Variants in STRN3 observed in about 807,000 individuals in gnomAD.
STRN3 encodes striatin-3.
In STRN3, 29 loss-of-function variants were observed where a neutral mutation model predicts 95.6. The observed-to-expected ratio is 0.30, with a 90% CI of 0.23 to 0.41. The LOEUF is 0.41. Ranked by LOEUF, STRN3 falls within the 10% of genes least tolerant of loss-of-function variation. The pLI, the probability that STRN3 is intolerant of heterozygous loss-of-function variation, is 1.00. For synonymous variants in STRN3, 331 were observed against 357.6 expected (o/e 0.93, Z 0.84); for missense variants, 890 against 972.1 (o/e 0.92, Z 1.12).
At chr14:31,018,579 T>G (rs370070171) in intron 1 of STRN3, 56 of 489,108 alleles carry the variant, frequency 1.1e-4, no homozygotes, top group African/African-American at 1.1e-3. Context: ...TTGAACAAGC[T>G]GTGGGTGTTG....
intron 5 of STRN3, among the ~76,000 whole-genome samples, chr14:30,945,029 C>T (rs1879291549): frequency 6.6e-6 from 1 of 152,112 alleles, no homozygotes; most frequent in Non-Finnish European, 1.5e-5. Context: ...CCTCAATGAA[C>T]TCATCTGGTT....
chr14:30,971,581 G>C (rs141170376), intron 1 of STRN3, among the ~76,000 whole-genome samples: 18 of 152,266 alleles, frequency 1.2e-4, no homozygotes, highest in African/African-American at 4.1e-4. Flanking sequence ...TAGGAAAATA[G>C]GATAGCCTTA....
In STRN3 at chr14:30,895,569, A is replaced by C. The variant is rs1390057211; in HGVS notation, c.2236T>G (p.Ser746Ala). The change falls in exon 18 of 18, where the codon TCC (serine) becomes GCC (alanine). Residue 746 changes from serine to alanine, a missense_variant. Around this residue, in one of 3 missense-constraint regions of STRN3, gnomAD observed 357 missense variants for 422.8 expected, o/e 0.84. Coordinates refer to ENST00000357479, the MANE Select transcript of STRN3 (RefSeq NM_001083893.2). ...IYLMSGSHDC[S>A]IRLWNLDSKT... is the part of the protein sequence containing the mutation. ...CTGTCTAAATTCCATAATCTGATGG[A>C]ACAGTCATGGCCTGTAAAAGAACAA... 1 of 1,613,608 alleles carries C rather than the reference A, an allele frequency of 6.2e-7. No homozygotes were observed.
At chr14:30,896,581 GA>G (rs1447993018) in intron 16 of STRN3, among the ~76,000 whole-genome samples, 2 of 145,954 alleles carry the variant, frequency 1.4e-5, no homozygotes, top group Non-Finnish European at 3.0e-5. Flanking sequence ...AAGGGGAGGG[GA>G]GGGGAGGGGA....
At chr14:30,953,250 A>T (rs1402512882) in intron 3 of STRN3, among the ~76,000 whole-genome samples, 1 of 152,210 alleles carries the variant, frequency 6.6e-6, no homozygotes, top group Non-Finnish European at 1.5e-5. Flanking sequence ...TACCTAGATG[A>T]AGAAACAAAA....
chr14:31,019,886 C>CTTTTTTTTTTTT (rs67956918), intron 1 of STRN3, among the ~76,000 whole-genome samples: 2 of 143,048 alleles, frequency 1.4e-5, no homozygotes, highest in Non-Finnish European at 3.0e-5. Flanking sequence ...CACTCATTTT[C>CTTTTTTTTTTTT]TTTTTTTTTT....
At chr14:30,964,752 T>G (rs1448611232) in intron 1 of STRN3, 2 of 152,156 alleles carry the variant, frequency 1.3e-5, no homozygotes, top group African/African-American at 4.8e-5. Flanking sequence ...AAACCCCATC[T>G]CTACTAAAAA....
At chr14:30,916,945 T>C (rs1316078547) in intron 9 of STRN3, among the ~76,000 whole-genome samples, 3 of 152,220 alleles carry the variant, frequency 2.0e-5, no homozygotes, top group African/African-American at 2.4e-5. Context: ...ATTCCATTTA[T>C]ACCAGTGGCA....
At chr14:30,909,012 C>G (rs1275122876) in intron 13 of STRN3, among the ~76,000 whole-genome samples, 2 of 152,184 alleles carry the variant, frequency 1.3e-5, no homozygotes, top group Non-Finnish European at 2.9e-5. Flanking sequence ...GTTCTGTCCT[C>G]GTTTCAATAA....
At chr14:30,996,195 A>G (rs1378286417) in intron 1 of STRN3, among the ~76,000 whole-genome samples, 1 of 152,246 alleles carries the variant, frequency 6.6e-6, no homozygotes, top group Non-Finnish European at 1.5e-5. Context: ...CACTGGTGAC[A>G]GGAATAATGT....
At chr14:30,930,463 C>T (rs1426578784) in intron 7 of STRN3, among the ~76,000 whole-genome samples, 3 of 152,058 alleles carry the variant, frequency 2.0e-5, no homozygotes, top group South Asian at 4.1e-4. Context: ...GAATGGCACA[C>T]GGAAATGCAA....
At chr14:30,909,262 T>C (rs1896548228) in intron 13 of STRN3, among the ~76,000 whole-genome samples, 1 of 152,172 alleles carries the variant, frequency 6.6e-6, no homozygotes, top group Non-Finnish European at 1.5e-5. Context: ...CCCAATACTT[T>C]GGGAGGCTGA....
At chr14:30,901,825 A>C (rs1896323609) in intron 16 of STRN3, among the ~76,000 whole-genome samples, 1 of 152,184 alleles carries the variant, frequency 6.6e-6, no homozygotes, top group African/African-American at 2.4e-5. Flanking sequence ...GATGATAATA[A>C]ACACTATGCA....
Position 30,895,294 on chromosome 14 carries a change from G to A in STRN3, c.*117C>T, listed in dbSNP as rs71417929. The stretch of plus-strand genomic sequence containing the variant: ...TTTCCACCAATTTGTGCCTGCCCCA[G>A]ATAGCCTTCACCAGGCAGATCACAT... On this transcript the variant is annotated 3_prime_UTR_variant, in exon 18 of 18. Transcript: ENST00000357479. 3 of 1,040,906 alleles carry A rather than the reference G, an allele frequency of 2.9e-6. No homozygotes were observed. The highest frequency in any genetic ancestry group is 6.1e-5 in the Admixed American group (2 of 33,026). 64.5% of individuals were successfully genotyped at this position (1,040,906 alleles called of 1,614,324 possible).
intron 1 of STRN3, among the ~76,000 whole-genome samples, chr14:31,016,043 T>G (rs1027259543): frequency 6.6e-6 from 1 of 152,120 alleles, no homozygotes; most frequent in African/African-American, 2.4e-5. Context: ...ATGGTTAAAA[T>G]CCAAATCACT....
rs191697352 is a variant in STRN3, at chr14:30,903,216, T to C, written c.2030-573A>G. Among the ~76,000 whole-genome samples, 176 of 152,192 alleles carry C rather than the reference T, an allele frequency of 1.2e-3. No homozygotes were observed. In the Middle Eastern group the frequency reaches 0.014, roughly 12 times the overall value. On this transcript the variant is annotated intron_variant, in intron 15 of 17. Transcript: ENST00000357479. ...ATATTAATAGACTTTAGATCATTCA[T>C]TCTGCTTATGTATCGCAACTCATAT...
At chr14:30,988,891 C>T in intron 1 of STRN3, among the ~76,000 whole-genome samples, 1 of 152,204 alleles carries the variant, frequency 6.6e-6, no homozygotes, top group East Asian at 1.9e-4. Context: ...ATAATCTCCA[C>T]TTCCAATAAT....
intron 1 of STRN3, 153 bp downstream of exon 1, chr14:31,025,751 A>G: frequency 9.6e-7 from 1 of 1,042,898 alleles, no homozygotes; most frequent in African/African-American, 1.7e-5. Context: ...CTCCAGGAAA[A>G]GCCGTTGAGA....
chr14:30,910,733 T>C (rs1315202623), intron 13 of STRN3, among the ~76,000 whole-genome samples: 2 of 152,118 alleles, frequency 1.3e-5, no homozygotes, highest in African/African-American at 4.8e-5. Context: ...ATAAACTATT[T>C]CTTAAGTTCA....
Sources: gnomAD v4.1 joint callset for allele counts (sites outside exome capture counted in the v4.1 genomes callset) on GRCh38, gnomAD v4.1.1 for gene constraint, gnomAD v4.1.1 regional missense constraint, MANE v1.5 for transcripts, NCBI Gene and HGNC (gene_info 2026-07-23, HGNC 2026-07-21) for gene names.